The following NPHP1 variants were observed in gnomAD, a reference collection of about 807,000 sequenced individuals.
The protein encoded by NPHP1 is nephrocystin 1.
NPHP1 carries 70 observed loss-of-function variants against 90.4 expected under a neutral mutation model. That is an observed-to-expected ratio of 0.77 (90% CI 0.64 to 0.95). The LOEUF is 0.95. Ranked by LOEUF, NPHP1 falls within the 40% of genes least tolerant of loss-of-function variation. NPHP1 has a pLI of 0.00. For missense variants in NPHP1, 764 were observed against 795.9 expected (o/e 0.96, Z 0.48); for synonymous variants, 256 against 271.7 (o/e 0.94, Z 0.57).
intron 16 of NPHP1, among the ~76,000 whole-genome samples, chr2:110,141,801 T>C (rs2104473195): frequency 6.6e-6 from 1 of 151,838 alleles, no homozygotes; most frequent in East Asian, 1.9e-4. Context: ...TGAAACCCTG[T>C]CTCTACTAAA....
At chr2:110,188,692 C>A (rs1375443211) in intron 2 of NPHP1, among the ~76,000 whole-genome samples, 1 of 150,902 alleles carries the variant, frequency 6.6e-6, no homozygotes, top group African/African-American at 2.4e-5. Flanking sequence ...AAGAAGAGCC[C>A]AAATAAGCAA....
chr2:110,196,458 C>T (rs1395157504), intron 2 of NPHP1, among the ~76,000 whole-genome samples: 5 of 152,084 alleles, frequency 3.3e-5, no homozygotes, highest in African/African-American at 9.7e-5. Flanking sequence ...CAATGAGATA[C>T]CATCTCACAC....
chr2:110,155,059 C>G (rs1681788801), intron 11 of NPHP1, among the ~76,000 whole-genome samples: 1 of 152,022 alleles, frequency 6.6e-6, no homozygotes, highest in African/African-American at 2.4e-5. Flanking sequence ...CCGAGGGTCC[C>G]CATGCTGTGT....
chr2:110,159,287 C>A lies in NPHP1; in HGVS notation c.1083+840G>T, dbSNP rs116369394. Among the ~76,000 whole-genome samples, 870 of 151,972 alleles carry A rather than the reference C, an allele frequency of 5.7e-3. 13 individuals are homozygous for A. Among genetic ancestry groups the A allele is most frequent in the African/African-American group, 0.02 (836 of 41,484 alleles). On this transcript the variant is annotated intron_variant, in intron 11 of 19. Transcript: ENST00000445609. ...TATTCTGGGGTCATGTTTTTTCTGG[C>A]CTTATGAAATAAGTTGGGAAACATT...
chr2:110,125,605 TA>T, intron 19 of NPHP1, 31 bp downstream of exon 19: 1 of 1,590,258 alleles, frequency 6.3e-7, no homozygotes, highest in Non-Finnish European at 8.6e-7. Flanking sequence ...GTACTGCAAA[TA>T]TGGAGTTCAG....
chr2:110,146,822 C>G lies in NPHP1; in HGVS notation c.1283G>C (p.Arg428Thr). The change falls in exon 14 of 20, where the codon AGA becomes ACA. Residue 428 changes from arginine (R) to threonine (T), a missense_variant. Physicochemically the swap from Arg to Thr is moderately conservative, Grantham distance 71. Coordinates refer to ENST00000445609, the MANE Select transcript of NPHP1 (RefSeq NM_001128178.3). ...CACCCAGCCACAGCTTAACTCTCCT[C>G]TTTCACCAGTTGACTAGGAAATAAG... ...ISYIRNSTGE[R>T]GELSCGWVFL... 1 of 1,612,930 alleles carries G rather than the reference C, an allele frequency of 6.2e-7. No homozygotes were observed. Among genetic ancestry groups the G allele is most frequent in the Non-Finnish European group, 8.5e-7 (1 of 1,178,938 alleles).
chr2:110,164,751 A>G, intron 7 of NPHP1, 21 bp from the exon 8 acceptor site: 1 of 1,601,744 alleles, frequency 6.2e-7, no homozygotes, highest in Non-Finnish European at 8.6e-7. Flanking sequence ...AAAATAGCAA[A>G]GTGAGTCAGG....
chr2:110,167,113 G>A (rs1188097035), intron 6 of NPHP1, among the ~76,000 whole-genome samples: 1 of 152,042 alleles, frequency 6.6e-6, no homozygotes, highest in East Asian at 1.9e-4. Flanking sequence ...TTAAAAATGT[G>A]TGTAATGAAA....
intron 2 of NPHP1, among the ~76,000 whole-genome samples, chr2:110,188,876 G>C (rs1007642983): frequency 2.0e-5 from 3 of 152,062 alleles, no homozygotes; most frequent in African/African-American, 7.2e-5. Context: ...TGACAAACCT[G>C]ACAAAAACAA....
intron 4 of NPHP1, among the ~76,000 whole-genome samples, chr2:110,170,455 A>G (rs1003420410): frequency 2.0e-5 from 3 of 152,158 alleles, no homozygotes; most frequent in Non-Finnish European, 4.4e-5. Flanking sequence ...TGTCATGAGG[A>G]TTAAGATGAG....
intron 17 of NPHP1, among the ~76,000 whole-genome samples, chr2:110,130,661 T>A (rs1354902584): frequency 6.6e-6 from 1 of 152,154 alleles, no homozygotes; most frequent in Non-Finnish European, 1.5e-5. Context: ...GCTCCATCCA[T>A]ACTGGCCTGC....
At chr2:110,149,043 C>T (rs1344148023) in intron 12 of NPHP1, among the ~76,000 whole-genome samples, 1 of 152,154 alleles carries the variant, frequency 6.6e-6, no homozygotes, top group Non-Finnish European at 1.5e-5. Context: ...GTGGTAGTTA[C>T]CAACAGTACT....
At chr2:110,161,531 T>G in intron 10 of NPHP1, 72 bp downstream of exon 10, 1 of 977,500 alleles carries the variant, frequency 1.0e-6, no homozygotes, top group Non-Finnish European at 1.6e-6. Context: ...TCAATTAACA[T>G]GTTGTTTGTC....
chr2:110,174,818 T>C (rs1225089648), intron 4 of NPHP1, among the ~76,000 whole-genome samples: 1 of 108,532 alleles, frequency 9.2e-6, no homozygotes, highest in Non-Finnish European at 1.7e-5. Context: ...ATTTTTGTGC[T>C]TTTTTTTTTT....
chr2:110,175,796 G>A (rs998527297), intron 4 of NPHP1, among the ~76,000 whole-genome samples: 1 of 145,160 alleles, frequency 6.9e-6, no homozygotes, highest in Non-Finnish European at 1.5e-5. Flanking sequence ...AATATTTCTT[G>A]TGCTTCATTC....
rs112428035 is a variant in NPHP1 at position 110,125,284 on chromosome 2, A to ATT, written c.1761+351_1761+352dup. On this transcript the variant is annotated intron_variant, in intron 19 of 19. Transcript: ENST00000445609. ...TTCAATATATGGTACAGCTCAGGCC[A>ATT]TTTTTTTTTCCCTTCTCTTGGTGAT... The ATT allele has an allele frequency of 5.3e-6, 8 of 1,520,964 alleles. No individual in the cohort carries two copies. The African/African-American group carries it at 9.7e-5, about 18-fold the overall frequency. 94.2% of individuals were successfully genotyped at this position (1,520,964 alleles called of 1,614,324 possible). A position where few individuals can be genotyped will look rare whatever the true frequency, so the allele number is the denominator to read the frequency against.
chr2:110,169,205 A>G (rs1682935015), intron 5 of NPHP1, among the ~76,000 whole-genome samples: 1 of 152,176 alleles, frequency 6.6e-6, no homozygotes, highest in Admixed American at 6.5e-5. Context: ...AAATCAAACC[A>G]TATAATTATT....
chr2:110,198,469 C>T (rs1372123385), intron 2 of NPHP1, among the ~76,000 whole-genome samples: 2 of 152,158 alleles, frequency 1.3e-5, no homozygotes, highest in African/African-American at 4.8e-5. Flanking sequence ...ATTAATGATA[C>T]TGATTACGTT....
At chr2:110,183,166 G>T (rs1684029107) in intron 2 of NPHP1, among the ~76,000 whole-genome samples, 2 of 152,142 alleles carry the variant, frequency 1.3e-5, no homozygotes, top group Non-Finnish European at 2.9e-5. Context: ...GCCATAAACT[G>T]GCCCCAAAAC....
Sources: gnomAD v4.1 joint callset for allele counts (sites outside exome capture counted in the v4.1 genomes callset) on GRCh38, gnomAD v4.1.1 for gene constraint, MANE v1.5 for transcripts, NCBI Gene and HGNC (gene_info 2026-07-23, HGNC 2026-07-21) for gene names.